The following ZNF385B variants were observed in gnomAD, a reference collection of about 807,000 sequenced individuals.
ZNF385B encodes zinc finger protein 533.
A neutral mutation model predicts 39.2 loss-of-function variants in ZNF385B; 23 were observed. The observed-to-expected ratio is 0.59, with a 90% CI of 0.42 to 0.83. The LOEUF (loss-of-function observed/expected upper bound fraction) is 0.83. Ranked by LOEUF, ZNF385B falls within the 40% of genes least tolerant of loss-of-function variation. The pLI is 0.00. For synonymous variants in ZNF385B, 205 were observed against 222.6 expected, an observed-to-expected ratio of 0.92 and a Z score of 0.70; for missense variants, 552 against 598.9, an observed-to-expected ratio of 0.92 and a Z score of 0.82.
intron 3 of ZNF385B, among the ~76,000 whole-genome samples, chr2:179,757,150 G>A (rs1703081777): frequency 6.6e-6 from 1 of 152,142 alleles, no homozygotes; most frequent in Non-Finnish European, 1.5e-5. Context: ...TGGTGTGGAT[G>A]TCCTTTCTGT....
intron 3 of ZNF385B, among the ~76,000 whole-genome samples, chr2:179,762,431 C>T (rs1703458498): frequency 6.6e-6 from 1 of 152,038 alleles, no homozygotes; most frequent in African/African-American, 2.4e-5. Context: ...ACCTCAGGTG[C>T]TATGCCCACT....
intron 3 of ZNF385B, among the ~76,000 whole-genome samples, chr2:179,586,832 T>C (rs1331434342): frequency 1.3e-5 from 2 of 151,762 alleles, no homozygotes; most frequent in African/African-American, 4.8e-5. Flanking sequence ...AGGTCAGGAG[T>C]TCGAGACCAG....
At chr2:179,586,939 T>C (rs7595642) in intron 3 of ZNF385B, among the ~76,000 whole-genome samples, 55,931 of 151,912 alleles carry the variant, frequency 0.37, 10,385 homozygotes, top group African/African-American at 0.39. Context: ...CTCAGGAGGC[T>C]GAGGCAGAAG....
intron 3 of ZNF385B, among the ~76,000 whole-genome samples, chr2:179,673,450 C>A (rs1696318157): frequency 6.6e-6 from 1 of 152,024 alleles, no homozygotes. Context: ...GGATAGTAGA[C>A]CCCATAATGA....
chr2:179,726,058 G>A (rs934321740), intron 3 of ZNF385B, among the ~76,000 whole-genome samples: 3 of 151,826 alleles, frequency 2.0e-5, no homozygotes, highest in African/African-American at 7.2e-5. Context: ...TCTCCCTAAA[G>A]TGGTAGCTCC....
intron 3 of ZNF385B, among the ~76,000 whole-genome samples, chr2:179,599,885 C>T (rs2176061): frequency 1.3e-5 from 2 of 152,024 alleles, no homozygotes; most frequent in Admixed American, 6.6e-5. Flanking sequence ...TATGGTGAGG[C>T]GTAAACACCC....
rs576506299 is a variant in ZNF385B at position 179,738,327 on chromosome 2, G to A, written c.298+31176C>T. On this transcript the variant is annotated intron_variant, in intron 3 of 9. Coordinates refer to ENST00000410066, the MANE Select transcript of ZNF385B (RefSeq NM_152520.6). Reference sequence around the variant, plus strand: ...TAAGGTACTCAGTGCACCTTGACCAGGCTGGTCACCTTCAAATGAAAACAC... The same window carrying A: ...TAAGGTACTCAGTGCACCTTGACCAAGCTGGTCACCTTCAAATGAAAACAC... Among the ~76,000 whole-genome samples, 4 of 152,210 alleles carry A rather than the reference G, an allele frequency of 2.6e-5. No individual in the cohort carries two copies. The East Asian group carries it at 7.7e-4, about 29-fold the overall frequency.
intron 3 of ZNF385B, among the ~76,000 whole-genome samples, chr2:179,710,276 C>T (rs544288910): frequency 1.3e-5 from 2 of 152,222 alleles, no homozygotes; most frequent in African/African-American, 4.8e-5. Context: ...GACAGTATAC[C>T]TTTGCCCCAA....
intron 1 of ZNF385B, among the ~76,000 whole-genome samples, chr2:179,857,546 C>T (rs1032582259): frequency 2.2e-4 from 34 of 152,180 alleles, no homozygotes; most frequent in South Asian, 6.2e-4. Flanking sequence ...ACATAAGCAA[C>T]GACACAGAGC....
intron 4 of ZNF385B, among the ~76,000 whole-genome samples, chr2:179,521,397 G>A (rs542877730): frequency 1.6e-4 from 21 of 132,060 alleles, no homozygotes; most frequent in African/African-American, 4.7e-4. Flanking sequence ...ACTGGGTTTC[G>A]TCATATTGGC....
intron 3 of ZNF385B, chr2:179,745,764 G>A (rs1702344129): frequency 6.5e-7 from 1 of 1,536,472 alleles, no homozygotes; most frequent in Non-Finnish European, 8.8e-7. Flanking sequence ...CCAGCTTCAA[G>A]AGCAACCAAG....
intron 3 of ZNF385B, among the ~76,000 whole-genome samples, chr2:179,697,420 C>A (rs2106356934): frequency 6.6e-6 from 1 of 152,306 alleles, no homozygotes; most frequent in South Asian, 2.1e-4. Context: ...CTCCTTCCTG[C>A]TGCCTTGGGA....
At chr2:179,838,937 G>C (rs1029104605) in intron 1 of ZNF385B, among the ~76,000 whole-genome samples, 7 of 147,268 alleles carry the variant, frequency 4.8e-5, no homozygotes, top group African/African-American at 7.5e-5. Context: ...AAGGGGGGGG[G>C]GCATTTTGCT....
At chr2:179,776,739 C>T (rs1236875897) in intron 1 of ZNF385B, among the ~76,000 whole-genome samples, 1 of 152,070 alleles carries the variant, frequency 6.6e-6, no homozygotes, top group Non-Finnish European at 1.5e-5. Context: ...AGATGTTGAA[C>T]AACAACTGGC....
chr2:179,576,608 A>G (rs1685846872), intron 3 of ZNF385B, among the ~76,000 whole-genome samples: 1 of 152,170 alleles, frequency 6.6e-6, no homozygotes, highest in African/African-American at 2.4e-5. Context: ...ACTGCATTAT[A>G]CTGTGAGCAT....
At chr2:179,689,819 G>A (rs766252888) in intron 3 of ZNF385B, among the ~76,000 whole-genome samples, 1 of 72,532 alleles carries the variant, frequency 1.4e-5, no homozygotes, top group Non-Finnish European at 3.0e-5. Context: ...GTGTGTGTGT[G>A]TGTGTGTTTA....
intron 6 of ZNF385B, among the ~76,000 whole-genome samples, chr2:179,456,038 A>T (rs2050670956): frequency 6.6e-6 from 1 of 152,216 alleles, no homozygotes; most frequent in African/African-American, 2.4e-5. Flanking sequence ...ATGACAAAAT[A>T]GCCTAAAAAT....
intron 3 of ZNF385B, among the ~76,000 whole-genome samples, chr2:179,663,174 T>C (rs1054919234): frequency 2.0e-5 from 3 of 152,186 alleles, no homozygotes; most frequent in African/African-American, 7.2e-5. Flanking sequence ...TTGCTACACA[T>C]ATTTAAGTTA....
chr2:179,602,539 T>C (rs1688490441), intron 3 of ZNF385B, among the ~76,000 whole-genome samples: 1 of 152,108 alleles, frequency 6.6e-6, no homozygotes, highest in South Asian at 2.1e-4. Context: ...ACATTCTACT[T>C]AGCATAAATC....
Sources: gnomAD v4.1 joint callset for allele counts (sites outside exome capture counted in the v4.1 genomes callset) on GRCh38, gnomAD v4.1.1 for gene constraint, MANE v1.5 for transcripts, NCBI Gene and HGNC (gene_info 2026-07-23, HGNC 2026-07-21) for gene names.